CCDC7: variants seen among roughly 807,000 people sequenced by gnomAD.
CCDC7 encodes the protein coiled-coil domain containing 7.
In CCDC7, 183 loss-of-function variants were observed where a neutral mutation model predicts 196.9. The ratio of observed to expected loss-of-function variants is 0.93; its 90% CI spans 0.82 to 1.05. The LOEUF is 1.05. CCDC7 is among the 50% of genes least tolerant of loss of function. CCDC7 has a pLI of 0.00. For synonymous variants in CCDC7, 525 were observed against 484.6 expected (o/e 1.08, Z -1.10); for missense variants, 1,540 against 1,482.2 (o/e 1.04, Z -0.64).
At chr10:32,677,387 C>G (rs2075183959) in intron 21 of CCDC7, among the ~76,000 whole-genome samples, 1 of 151,802 alleles carries the variant, frequency 6.6e-6, no homozygotes, top group Admixed American at 6.6e-5. Context: ...AAAAGAATTC[C>G]CTTTATCACT....
chr10:32,475,527 A>G (rs1029678949), intron 8 of CCDC7, among the ~76,000 whole-genome samples: 4 of 152,246 alleles, frequency 2.6e-5, no homozygotes, highest in Non-Finnish European at 5.9e-5. Context: ...GATAAAATAT[A>G]GTTGAGATTT....
intron 18 of CCDC7, chr10:32,623,709 G>T: frequency 2.1e-6 from 1 of 468,750 alleles, no homozygotes. Context: ...TTTGTCTCAT[G>T]GTTCTGTAGG....
intron 28 of CCDC7, among the ~76,000 whole-genome samples, chr10:32,731,944 T>C (rs1424590490): frequency 2.0e-5 from 3 of 152,098 alleles, no homozygotes; most frequent in Non-Finnish European, 4.4e-5. Flanking sequence ...TCCCGGCTAC[T>C]TGGGAGGCTG....
At chr10:32,665,051 C>T (rs1315696893) in intron 21 of CCDC7, among the ~76,000 whole-genome samples, 1 of 151,800 alleles carries the variant, frequency 6.6e-6, no homozygotes, top group African/African-American at 2.4e-5. Flanking sequence ...TTTGCATGTC[C>T]CTGATGATTA....
At chr10:32,471,669 C>G (rs1016527331) in intron 6 of CCDC7, among the ~76,000 whole-genome samples, 6 of 152,132 alleles carry the variant, frequency 3.9e-5, no homozygotes, top group Admixed American at 2.6e-4. Context: ...AACAGCTTAT[C>G]AAGTAAAATT....
intron 41 of CCDC7, among the ~76,000 whole-genome samples, chr10:32,871,574 G>T (rs929008228): frequency 2.5e-4 from 38 of 151,436 alleles, no homozygotes; most frequent in African/African-American, 9.3e-4. Context: ...TTGATTTTTT[G>T]AAGGGTTTTT....
At chr10:32,457,438 C>T (rs1318138276) in intron 3 of CCDC7, among the ~76,000 whole-genome samples, 1 of 152,050 alleles carries the variant, frequency 6.6e-6, no homozygotes, top group Non-Finnish European at 1.5e-5. Flanking sequence ...TATTGATGGA[C>T]ATTTAGGTTG....
At chr10:32,500,116 G>A (rs545874574) in intron 9 of CCDC7, among the ~76,000 whole-genome samples, 51 of 152,320 alleles carry the variant, frequency 3.3e-4, no homozygotes, top group Middle Eastern at 3.4e-3. Context: ...GAGCTGTTGG[G>A]TACACCTCCC....
intron 11 of CCDC7, among the ~76,000 whole-genome samples, chr10:32,521,433 G>A (rs775443902): frequency 7.2e-5 from 11 of 151,898 alleles, no homozygotes; most frequent in East Asian, 1.9e-4. Flanking sequence ...TGGTTAATAC[G>A]TAGGTGTTTA....
intron 33 of CCDC7, among the ~76,000 whole-genome samples, chr10:32,839,605 A>G (rs2092839916): frequency 6.6e-6 from 1 of 152,078 alleles, no homozygotes; most frequent in Admixed American, 6.6e-5. Flanking sequence ...CAAGGCAGAA[A>G]GTCAACAAAG....
intron 20 of CCDC7, among the ~76,000 whole-genome samples, chr10:32,663,042 A>G (rs1365400351): frequency 2.0e-5 from 3 of 152,114 alleles, no homozygotes; most frequent in Admixed American, 6.5e-5. Context: ...AGGTTCTCAT[A>G]TGTATGTAAC....
chr10:32,657,342 T>G (rs770988003), intron 20 of CCDC7, among the ~76,000 whole-genome samples: 15 of 152,346 alleles, frequency 9.8e-5, no homozygotes, highest in Admixed American at 2.0e-4. Context: ...CCGTGAATGC[T>G]CCCCACCTGC....
chr10:32,878,120 C>T (rs2094654104), downstream of CCDC7, among the ~76,000 whole-genome samples: 1 of 152,044 alleles, frequency 6.6e-6, no homozygotes, highest in African/African-American at 2.4e-5. Context: ...TAAAAATATT[C>T]CACACCTGTG....
At chr10:32,756,640 G>A (rs1036372341) in intron 28 of CCDC7, among the ~76,000 whole-genome samples, 2 of 152,148 alleles carry the variant, frequency 1.3e-5, no homozygotes, top group South Asian at 2.1e-4. Context: ...ACCAGCCACT[G>A]GAAAAACATG....
intron 16 of CCDC7, among the ~76,000 whole-genome samples, chr10:32,578,542 C>T (rs144669754): frequency 2.0e-5 from 3 of 151,226 alleles, no homozygotes; most frequent in African/African-American, 2.4e-5. Flanking sequence ...ATTAGGTTCT[C>T]GTAAGGAGCA....
chr10:32,644,360 C>A (rs921418194), intron 20 of CCDC7, among the ~76,000 whole-genome samples: 2 of 152,166 alleles, frequency 1.3e-5, no homozygotes, highest in Non-Finnish European at 1.5e-5. Flanking sequence ...CCTCCCCCAA[C>A]CCCTCCACAG....
chr10:32,585,141 TCGGCTCACTGCAAGCTC>T (rs1482676832), intron 18 of CCDC7, among the ~76,000 whole-genome samples: 1 of 151,938 alleles, frequency 6.6e-6, no homozygotes, highest in Admixed American at 6.6e-5. Context: ...TGGCATGATC[TCGGCTCACTGCAAGCTC>T]CGCCTCCCGG....
At chr10:32,828,455 A>G (rs1323643241) in intron 32 of CCDC7, among the ~76,000 whole-genome samples, 6 of 84,350 alleles carry the variant, frequency 7.1e-5, no homozygotes, top group Non-Finnish European at 1.1e-4. Flanking sequence ...AAGAAGAAGA[A>G]GAAGAAGAAG....
chr10:32,771,092 G>C (rs989204123), intron 28 of CCDC7, among the ~76,000 whole-genome samples: 1 of 152,118 alleles, frequency 6.6e-6, no homozygotes, highest in Non-Finnish European at 1.5e-5. Context: ...TTAATATTAA[G>C]ATGTGAGGTA....
Sources: allele counts gnomAD v4.1 joint callset (sites outside exome capture counted in the v4.1 genomes callset), GRCh38; gene constraint gnomAD v4.1.1; transcripts MANE v1.5; gene names NCBI Gene and HGNC (gene_info 2026-07-23, HGNC 2026-07-21).